ZNF536: variants seen among roughly 807,000 people sequenced by gnomAD.
ZNF536 encodes zinc finger protein 536.
Under a neutral mutation model 84.5 loss-of-function variants are expected in ZNF536, and 13 were observed. The ratio of observed to expected loss-of-function variants is 0.15; its 90% confidence interval spans 0.10 to 0.24. The LOEUF (loss-of-function observed/expected upper bound fraction) is 0.24. ZNF536 is among the 10% of genes least tolerant of loss of function. The pLI is 1.00. For missense variants in ZNF536, 1,536 were observed against 1,747.5 expected (o/e 0.88, Z 2.16); for synonymous variants, 811 against 742.5 (o/e 1.09, Z -1.50).
intron 1 of ZNF536, among the ~76,000 whole-genome samples, chr19:30,232,550 T>G (rs138414664): frequency 1.2e-3 from 179 of 152,346 alleles, no homozygotes; most frequent in African/African-American, 4.1e-3. Flanking sequence ...TTTCTGTTCC[T>G]GCGTTAATTC....
chr19:30,670,848 C>T (rs375802462), intron 1 of ZNF536, among the ~76,000 whole-genome samples: 18 of 152,290 alleles, frequency 1.2e-4, no homozygotes, highest in East Asian at 9.7e-4. Context: ...GCTGTAACAG[C>T]GAGAGCACAG....
At chr19:30,492,978 G>T (rs1373519979) in intron 2 of ZNF536, among the ~76,000 whole-genome samples, 1 of 151,804 alleles carries the variant, frequency 6.6e-6, no homozygotes, top group Non-Finnish European at 1.5e-5. Flanking sequence ...TCGGAAATCA[G>T]CAGCTTTGGT....
At chr19:30,326,582 A>G (rs908303692) in intron 2 of ZNF536, among the ~76,000 whole-genome samples, 51 of 152,044 alleles carry the variant, frequency 3.4e-4, no homozygotes, top group Middle Eastern at 3.4e-3. Flanking sequence ...ACTGCCCCCG[A>G]CGCATAGGTG....
chr19:30,614,471 A>C (rs2048212757), intron 1 of ZNF536, among the ~76,000 whole-genome samples: 1 of 151,862 alleles, frequency 6.6e-6, no homozygotes, highest in African/African-American at 2.4e-5. Context: ...CGGGGGAGAG[A>C]GAGAGAGAGA....
At position 30,666,820 on chromosome 19, in the gene ZNF536, A is replaced by ATG. The variant is rs998187633; in HGVS notation, c.170-43925_170-43924dup. Among the ~76,000 whole-genome samples the ATG allele has an allele frequency of 1.7e-3, 249 of 145,314 alleles. 2 individuals are homozygous for ATG. Among genetic ancestry groups the ATG allele is most frequent in the African/African-American group, 4.4e-3 (178 of 40,026 alleles). On this transcript the variant is annotated intron_variant, in intron 1 of 1. Coordinates refer to the ZNF536 transcript ENST00000592773. The stretch of plus-strand genomic sequence containing the variant: ...ATGTAAAATATATGTATGTGTATAT[A>ATG]TGTGTGTGTGTGTATATATATATAT...
Position 30,497,606 on chromosome 19 carries a change from AACCC to A in ZNF536, c.2171-37237_2171-37234del, listed in dbSNP as rs1191303078. 3.3e-5 allele frequency among the ~76,000 whole-genome samples: 5 copies of A among 152,308 alleles called. No homozygotes were observed. The East Asian group carries it at 9.7e-4, about 29-fold the overall frequency. On this transcript the variant is annotated intron_variant, in intron 2 of 4. Coordinates refer to ENST00000355537, the MANE Select transcript of ZNF536 (RefSeq NM_014717.3). ...CTGCTCCCACACATGTATGGAACTA[AACCC>A]ACCTGAGTGGCCCAAAAGGAGAAAG...
At chr19:30,370,379 A>AC (rs2048572085), upstream of ZNF536, among the ~76,000 whole-genome samples, 1 of 152,068 alleles carries the variant, frequency 6.6e-6, no homozygotes, top group Non-Finnish European at 1.5e-5. Context: ...TTGAACTAAA[A>AC]CCCCAGGGTG....
intron 1 of ZNF536, among the ~76,000 whole-genome samples, chr19:30,377,787 A>G (rs954256141): frequency 6.6e-6 from 1 of 152,212 alleles, no homozygotes; most frequent in African/African-American, 2.4e-5. Context: ...ACCATTATCA[A>G]TCTGCTCCCT....
At chr19:30,409,282 G>A (rs1426566575) in intron 1 of ZNF536, among the ~76,000 whole-genome samples, 1 of 152,202 alleles carries the variant, frequency 6.6e-6, no homozygotes, top group East Asian at 1.9e-4. Context: ...TTTTGAACTT[G>A]GAGAGTGTAT....
intron 1 of ZNF536, among the ~76,000 whole-genome samples, chr19:30,417,745 C>T (rs2050794097): frequency 6.6e-6 from 1 of 152,068 alleles, no homozygotes; most frequent in East Asian, 1.9e-4. Flanking sequence ...ATCACAAGGA[C>T]ATGTTTTGGG....
At position 30,548,786 on chromosome 19, in the gene ZNF536, C is replaced by G. The variant is rs375517415; in HGVS notation, c.3167C>G (p.Ser1056Trp). 6.2e-7 allele frequency: 1 copy of G among 1,613,860 alleles called. No homozygotes were observed. The highest frequency in any genetic ancestry group is 1.3e-5 in the African/African-American group (1 of 75,030). ...GCGAGTAAGATGGCCCTGCTGCCCT[C>G]GTTACAATCAAACAAAGACCTGGGC... ...REASKMALLP[S>W]LQSNKDLGLS... The change falls in exon 4 of 5, where the codon TCG becomes TGG. Residue 1056 changes from serine (S) to tryptophan (W), a missense_variant. Around this residue, in one of 8 missense-constraint regions of ZNF536, gnomAD observed 624 missense variants for 603.1 expected, o/e 1.03. Coordinates refer to ENST00000355537, the MANE Select transcript of ZNF536 (RefSeq NM_014717.3).
At position 30,649,100 on chromosome 19, in the gene ZNF536, C is replaced by T. The variant is rs568300909; in HGVS notation, c.170-61657C>T. Among the ~76,000 whole-genome samples the T allele has an allele frequency of 4.8e-4, 73 of 152,252 alleles. No individual in the cohort carries two copies. In the South Asian group the frequency reaches 8.5e-3, roughly 18 times the overall value. ...GTCTTGAGCCACCTCACTGTATGCCCGACAGCTGCCCCAGACAGGGAGGAC... is the reference window on the plus strand; with the variant it reads ...GTCTTGAGCCACCTCACTGTATGCCTGACAGCTGCCCCAGACAGGGAGGAC... On this transcript the variant is annotated intron_variant, in intron 1 of 1. Transcript: ENST00000592773.
At chr19:30,677,031 G>T (rs998750042) in intron 1 of ZNF536, among the ~76,000 whole-genome samples, 1 of 152,308 alleles carries the variant, frequency 6.6e-6, no homozygotes, top group Admixed American at 6.5e-5. Context: ...AAGATATTTT[G>T]CTTGTGAAAG....
At chr19:30,586,323 G>C (rs1445248841) in intron 1 of ZNF536, among the ~76,000 whole-genome samples, 1 of 152,210 alleles carries the variant, frequency 6.6e-6, no homozygotes, top group Non-Finnish European at 1.5e-5. Context: ...CCCATAAATG[G>C]GTCCCAGCAT....
intron 2 of ZNF536, among the ~76,000 whole-genome samples, chr19:30,495,709 T>C (rs1235962854): frequency 1.3e-5 from 2 of 152,216 alleles, no homozygotes; most frequent in African/African-American, 4.8e-5. Context: ...TATGGGGGTA[T>C]CTGAAGAAAA....
intron 2 of ZNF536, among the ~76,000 whole-genome samples, chr19:30,469,113 T>C (rs1251495095): frequency 6.6e-6 from 1 of 151,828 alleles, no homozygotes; most frequent in African/African-American, 2.4e-5. Context: ...TCTCCAAACA[T>C]AGACATAAAA....
chr19:30,339,025 C>G (rs539016830), intron 2 of ZNF536, among the ~76,000 whole-genome samples: 1 of 152,134 alleles, frequency 6.6e-6, no homozygotes, highest in Non-Finnish European at 1.5e-5. Flanking sequence ...CCTTCCCTCC[C>G]CCGGGCTGTA....
chr19:30,639,838 G>GAAAAGCAAAGTC lies in ZNF536; in HGVS notation c.170-70910_170-70899dup, dbSNP rs534897794. On this transcript the variant is annotated intron_variant, in intron 1 of 1. Transcript: ENST00000592773. ...TGTAAGTTCACAACTGTCTCAAGGG[G>GAAAAGCAAAGTC]AAAAGCAAAGTCAAAAGCAAGCCCA... 3.2e-3 allele frequency among the ~76,000 whole-genome samples: 493 copies of GAAAAGCAAAGTC among 152,308 alleles called. 1 individual carries two copies. The highest frequency in any genetic ancestry group is 4.9e-3 in the Non-Finnish European group (331 of 68,032).
At chr19:30,432,016 CAT>C (rs1294660209) in intron 1 of ZNF536, among the ~76,000 whole-genome samples, 7 of 116,596 alleles carry the variant, frequency 6.0e-5, no homozygotes, top group Admixed American at 2.9e-4. Flanking sequence ...TACACACACA[CAT>C]ACACACACAC....
Sources: gnomAD v4.1 joint callset for allele counts (sites outside exome capture counted in the v4.1 genomes callset) on GRCh38, gnomAD v4.1.1 for gene constraint, gnomAD v4.1.1 regional missense constraint, MANE v1.5 for transcripts, NCBI Gene and HGNC (gene_info 2026-07-23, HGNC 2026-07-21) for gene names.